The following PRCD variants were observed in gnomAD, a reference collection of about 807,000 sequenced individuals.
The protein encoded by PRCD is photoreceptor disc component.
Under a neutral mutation model 10.1 loss-of-function variants are expected in PRCD, and 12 were observed. The ratio of observed to expected loss-of-function variants is 1.18; its 90% confidence interval spans 0.76 to 1.92. The LOEUF is 1.92. PRCD is among the 40% of genes most tolerant of loss of function. PRCD has a pLI of 0.00. For synonymous variants in PRCD, 31 were observed against 26.2 expected (o/e 1.18, Z -0.56); for missense variants, 61 against 72.2 (o/e 0.84, Z 0.56).
chr17:76,536,831 C>A (rs77213933), upstream of PRCD, among the ~76,000 whole-genome samples: 1 of 152,184 alleles, frequency 6.6e-6, no homozygotes, highest in African/African-American at 2.4e-5. Flanking sequence ...CTGCCCTGGG[C>A]GCTCCTGCTG....
chr17:76,540,353 G>T lies in PRCD; in HGVS notation c.74+138G>T, dbSNP rs556136946. On this transcript the variant is annotated intron_variant, in intron 1 of 4. Coordinates refer to ENST00000592014, the MANE Select transcript of PRCD (RefSeq NM_001077620.3). The surrounding 1 kb of genome is among the most constrained non-coding windows in gnomAD (Gnocchi z 5.0). ...GGAGGGCATTTTGAGGAACCCTTGA[G>T]AGAGCACAGTCTCAGAGCAGGGGGA... 1,263 of 1,283,998 alleles carry T rather than the reference G, an allele frequency of 9.8e-4. 1 individual carries two copies. The highest frequency in any genetic ancestry group is 1.3e-3 in the Non-Finnish European group (1,207 of 897,276). 79.5% of individuals were successfully genotyped at this position (1,283,998 alleles called of 1,614,324 possible).
At chr17:76,537,534 T>C, upstream of PRCD, 3 of 1,558,586 alleles carry the variant, frequency 1.9e-6, no homozygotes, top group Middle Eastern at 1.7e-4. Flanking sequence ...CGCCTGGCAC[T>C]TTCTCCATGA....
chr17:76,541,400 T>C (rs2074992112), intron 2 of PRCD, among the ~76,000 whole-genome samples: 1 of 152,174 alleles, frequency 6.6e-6, no homozygotes. Flanking sequence ...GGAGGGTGTC[T>C]CCACACAGGG....
At position 76,544,226 on chromosome 17, in the gene PRCD, C is replaced by T. The variant is rs1481695638; in HGVS notation, c.*576C>T. On this transcript the variant is annotated 3_prime_UTR_variant, in exon 5 of 5. Transcript: ENST00000592014. ...GCCTCTGTGCACACGCGTCTCTCCT[C>T]CCCAGCCAGCCCCCCTCCCAGCCCA... The T allele has an allele frequency of 6.6e-6, 3 of 454,446 alleles. No individual in the cohort carries two copies. The highest frequency in any genetic ancestry group is 1.3e-5 in the Non-Finnish European group (3 of 226,810). The allele number at this position is 454,446 out of a possible 1,614,324, so 28.2% of individuals were successfully genotyped here.
chr17:76,528,576 T>A lies in PRCD; in HGVS notation n.45+743T>A. ...CCAGGGAGGGGGGTGGAGTTAGGGG[T>A]CCTACGGCCCCGAAGAGGGCAGTGT... On this transcript the variant is annotated intron_variant and non_coding_transcript_variant, in intron 1 of 4. Transcript: ENST00000397633. The surrounding 1 kb of genome is among the most constrained non-coding windows in gnomAD (Gnocchi z 5.8). 7.8e-7 allele frequency: 1 copy of A among 1,284,702 alleles called. No individual in the cohort carries two copies. Among genetic ancestry groups the A allele is most frequent in the Non-Finnish European group, 9.9e-7 (1 of 1,008,296 alleles). The allele number at this position is 1,284,702 out of a possible 1,614,324, so 79.6% of individuals were successfully genotyped here. A position where few individuals can be genotyped will look rare whatever the true frequency, so the allele number is the denominator to read the frequency against.
chr17:76,538,647 A>G (rs568722048), upstream of PRCD: 33 of 352,712 alleles, frequency 9.4e-5, no homozygotes, highest in East Asian at 3.4e-3. Flanking sequence ...CTCAGCCGCC[A>G]CCAAGGGCCC....
rs949220633 is a variant in PRCD, at chr17:76,540,832, G to A, written c.143+259G>A. Among the ~76,000 whole-genome samples the A allele has an allele frequency of 2.6e-5, 4 of 152,312 alleles. No individual in the cohort carries two copies. Among genetic ancestry groups the A allele is most frequent in the East Asian group, 1.9e-4 (1 of 5,192 alleles). On this transcript the variant is annotated intron_variant, in intron 2 of 4. Coordinates refer to ENST00000592014, the MANE Select transcript of PRCD (RefSeq NM_001077620.3). The surrounding 1 kb of genome is among the most constrained non-coding windows in gnomAD (Gnocchi z 5.0). ...CATCTCCAGCACGGGGCGGTCCCCC[G>A]GGGCACCTTCTGTCAGAAGGCACAG...
chr17:76,548,535 C>A (rs2075078652), downstream of PRCD, among the ~76,000 whole-genome samples: 1 of 152,250 alleles, frequency 6.6e-6, no homozygotes, highest in African/African-American at 2.4e-5. Flanking sequence ...CAGCCCAACC[C>A]TGCCTGTCCC....
At chr17:76,527,862 G>A (rs2074785650) in intron 1 of PRCD, 1 of 449,310 alleles carries the variant, frequency 2.2e-6, no homozygotes, top group East Asian at 7.0e-5. Context: ...GGGAGTAGGG[G>A]GAGCCCACTC....
chr17:76,553,199 A>G (rs1174023944), exon 2 of PRCD: 2 of 152,226 alleles, frequency 1.3e-5, no homozygotes, highest in Non-Finnish European at 2.9e-5. Context: ...CAAAGCCAGA[A>G]GAGAGGCTGT....
chr17:76,549,370 G>GT (rs1226417619), downstream of PRCD, among the ~76,000 whole-genome samples: 1 of 152,232 alleles, frequency 6.6e-6, no homozygotes, highest in Admixed American at 6.5e-5. Context: ...GCTCACGCCT[G>GT]TAATACCAGC....
intron 1 of PRCD, chr17:76,529,981 G>A (rs200455711): frequency 2.2e-5 from 22 of 985,298 alleles, no homozygotes; most frequent in Admixed American, 1.2e-4. Context: ...GAGGCCTGGC[G>A]TCCCCAGCTG....
chr17:76,531,974 A>C lies in PRCD; in HGVS notation n.45+4141A>C. On this transcript the variant is annotated intron_variant and non_coding_transcript_variant, in intron 1 of 4. Coordinates refer to the PRCD transcript ENST00000397633. This position sits in a 1 kb window ranked among gnomAD's most constrained non-coding sequence, Gnocchi z 7.4. Reference sequence around the variant, plus strand: ...TCCTCGCTTCTTGCTTCCTTCCCAAACTCTACACCCCCTTCAAGCCCTGCT... The same window carrying C: ...TCCTCGCTTCTTGCTTCCTTCCCAACCTCTACACCCCCTTCAAGCCCTGCT... 9.3e-6 allele frequency: 3 copies of C among 322,466 alleles called. No homozygotes were observed. Among genetic ancestry groups the C allele is most frequent in the South Asian group, 6.1e-5 (1 of 16,370 alleles). 20.0% of individuals were successfully genotyped at this position (322,466 alleles called of 1,614,324 possible). A position where few individuals can be genotyped will look rare whatever the true frequency, so the allele number is the denominator to read the frequency against.
At position 76,531,060 on chromosome 17, in the gene PRCD, T is replaced by A; in HGVS notation, n.45+3227T>A. 6.2e-7 allele frequency: 1 copy of A among 1,613,612 alleles called. No individual in the cohort carries two copies. Among genetic ancestry groups the A allele is most frequent in the Non-Finnish European group, 8.5e-7 (1 of 1,179,918 alleles). ...GTGGCTGTAGATGAGGCCACGCAGC[T>A]TGGCCCAGGCTCTCTGCGTCTCAGG... On this transcript the variant is annotated intron_variant and non_coding_transcript_variant, in intron 1 of 4. Transcript: ENST00000397633. This position sits in a 1 kb window ranked among gnomAD's most constrained non-coding sequence, Gnocchi z 7.4.
intron 1 of PRCD, chr17:76,552,268 C>T (rs2075114585): frequency 2.0e-5 from 3 of 152,246 alleles, no homozygotes; most frequent in South Asian, 2.1e-4. Context: ...GATCTCCACT[C>T]ACTGCAAGCT....
rs368357218 is a variant in PRCD at position 76,528,506 on chromosome 17, C to T, written n.45+673C>T. 1.2e-4 allele frequency: 148 copies of T among 1,198,458 alleles called. No individual in the cohort carries two copies. The highest frequency in any genetic ancestry group is 1.7e-4 in the Admixed American group (4 of 23,884). The allele number at this position is 1,198,458 out of a possible 1,614,324, so 74.2% of individuals were successfully genotyped here. A position where few individuals can be genotyped will look rare whatever the true frequency, so the allele number is the denominator to read the frequency against. On this transcript the variant is annotated intron_variant and non_coding_transcript_variant, in intron 1 of 4. Coordinates refer to the PRCD transcript ENST00000397633. The surrounding 1 kb of genome is among the most constrained non-coding windows in gnomAD (Gnocchi z 5.8). ...GCTTCCTTGGCACCCAGAAATGGAG[C>T]GTCAAGGAGGGTCTTCAGAACTCGG...
rs112831645 is a variant in PRCD at position 76,540,345 on chromosome 17, AC to A, written c.74+133del. ...CGGGGCTGGGAGGGCATTTTGAGGA[AC>A]CCTTGAGAGAGCACAGTCTCAGAGC... On this transcript the variant is annotated intron_variant, in intron 1 of 4. Transcript: ENST00000592014. The surrounding 1 kb of genome is among the most constrained non-coding windows in gnomAD (Gnocchi z 5.0). The A allele has an allele frequency of 2.6e-5, 34 of 1,298,090 alleles. No homozygotes were observed. The highest frequency in any genetic ancestry group is 2.3e-4 in the African/African-American group (16 of 68,336). The allele number at this position is 1,298,090 out of a possible 1,614,324, so 80.4% of individuals were successfully genotyped here.
Position 76,533,144 on chromosome 17 carries a change from T to C in PRCD, n.45+5311T>C, listed in dbSNP as rs1269915084. The stretch of plus-strand genomic sequence containing the variant: ...GTGGAACTGCTATTGGCGGGGAAGT[T>C]TGCACAGTGACCAGGGCACAGTCTG... On this transcript the variant is annotated intron_variant and non_coding_transcript_variant, in intron 1 of 4. Coordinates refer to the PRCD transcript ENST00000397633. This position sits in a 1 kb window ranked among gnomAD's most constrained non-coding sequence, Gnocchi z 4.5. Among the ~76,000 whole-genome samples, 3 of 152,190 alleles carry C rather than the reference T, an allele frequency of 2.0e-5. No homozygotes were observed. In the East Asian group the frequency reaches 5.8e-4, roughly 29 times the overall value.
At chr17:76,548,203 A>G (rs542613646), downstream of PRCD, among the ~76,000 whole-genome samples, 1 of 152,102 alleles carries the variant, frequency 6.6e-6, no homozygotes, top group South Asian at 2.1e-4. Flanking sequence ...TTACACACAT[A>G]CAGACATATA....
Sources: gnomAD v4.1 joint callset for allele counts (sites outside exome capture counted in the v4.1 genomes callset) on GRCh38, gnomAD v4.1.1 for gene constraint, Gnocchi (gnomAD v3.1) non-coding constraint, MANE v1.5 for transcripts, NCBI Gene and HGNC (gene_info 2026-07-23, HGNC 2026-07-21) for gene names.